Variants in KIF1C observed in about 807,000 individuals in gnomAD.
KIF1C encodes kinesin family member 1C.
KIF1C carries 61 observed loss-of-function variants against 126.5 expected under a neutral mutation model. The observed-to-expected ratio is 0.48, with a 90% CI of 0.39 to 0.60. The LOEUF (loss-of-function observed/expected upper bound fraction) is 0.60, where lower values mean the gene tolerates loss of function less well. Ranked by LOEUF, KIF1C falls within the 20% of genes least tolerant of loss-of-function variation. The pLI is 0.00. For synonymous variants in KIF1C, 640 were observed against 580.6 expected (o/e 1.10, Z -1.47); for missense variants, 1,315 against 1,489.2 (o/e 0.88, Z 1.93).
intron 16 of KIF1C, among the ~76,000 whole-genome samples, chr17:5,009,439 A>G (rs1974811419): frequency 6.6e-6 from 1 of 151,886 alleles, no homozygotes; most frequent in Admixed American, 6.5e-5. Context: ...CGGAGTCCCA[A>G]AGTGCTGGGG....
intron 18 of KIF1C, among the ~76,000 whole-genome samples, chr17:5,017,886 G>C (rs1308272090): frequency 6.6e-6 from 1 of 152,144 alleles, no homozygotes; most frequent in African/African-American, 2.4e-5. Context: ...ATTATCATGG[G>C]TTCAGGGTAA....
At chr17:5,017,447 CCCCCCA>C (rs1567726582) in intron 18 of KIF1C, among the ~76,000 whole-genome samples, 1 of 151,766 alleles carries the variant, frequency 6.6e-6, no homozygotes, top group Non-Finnish European at 1.5e-5. Context: ...CTACAGGCGC[CCCCCCA>C]CCACCACACC....
chr17:5,005,578 G>C (rs1974708205), intron 13 of KIF1C, among the ~76,000 whole-genome samples: 1 of 152,152 alleles, frequency 6.6e-6, no homozygotes, highest in Non-Finnish European at 1.5e-5. Flanking sequence ...GGAAAGAGAA[G>C]GATAAGGTAG....
rs1361813822 is a variant in KIF1C, at chr17:5,023,517, C to G, written c.2678C>G (p.Pro893Arg). ...GGTGGTGAGGTCCCCTGGGCCCCGC[C>G]TGAAGGATCAGAGGCAGCAGAGGAG... ...EEGGEVPWAPPEGSEAAEEAA... is the reference protein window; with the variant it reads ...EEGGEVPWAPREGSEAAEEAA... The change falls in exon 23 of 23, where the codon CCT (proline) becomes CGT (arginine). Residue 893 changes from proline to arginine, a missense_variant. Coordinates refer to ENST00000320785, the MANE Select transcript of KIF1C (RefSeq NM_006612.6). This position sits in a 1 kb window ranked among gnomAD's most constrained non-coding sequence, Gnocchi z 4.2. 1.2e-6 allele frequency: 2 copies of G among 1,613,546 alleles called. No individual in the cohort carries two copies. Among genetic ancestry groups the G allele is most frequent in the African/African-American group, 1.3e-5 (1 of 74,796 alleles).
intron 13 of KIF1C, 83 bp from the exon 14 acceptor site, chr17:5,006,832 T>C: frequency 7.1e-7 from 1 of 1,416,982 alleles, no homozygotes; most frequent in East Asian, 2.3e-5. Context: ...ACTGGTCCTC[T>C]GTGAAGCTCT....
At position 5,007,704 on chromosome 17, in the gene KIF1C, CTTG is replaced by C. The variant is rs368036117; in HGVS notation, c.1491+165_1491+167del. Among the ~76,000 whole-genome samples, 21 of 152,262 alleles carry C rather than the reference CTTG, an allele frequency of 1.4e-4. 1 individual carries two copies. The highest frequency in any genetic ancestry group is 5.1e-4 in the African/African-American group (21 of 41,542). ...CCCTCCCCTGCCACCTCCTCTCCGT[CTTG>C]TTTAGTCATCCCTGCCTTCTCCCTT... is the stretch of plus-strand genomic sequence containing the variant. On this transcript the variant is annotated intron_variant, in intron 16 of 22. Coordinates refer to ENST00000320785, the MANE Select transcript of KIF1C (RefSeq NM_006612.6).
rs190609036 is a variant in KIF1C at position 5,015,745 on chromosome 17, G to A, written c.1666+908G>A. On this transcript the variant is annotated intron_variant, in intron 18 of 22. Coordinates refer to ENST00000320785, the MANE Select transcript of KIF1C (RefSeq NM_006612.6). Reference sequence around the variant, plus strand: ...CGAGTAGCTGGGATTACAGGCACGCGCCACCACACCAGGCTAATTTTTGTA... The same window carrying A: ...CGAGTAGCTGGGATTACAGGCACGCACCACCACACCAGGCTAATTTTTGTA... Among the ~76,000 whole-genome samples, 106 of 151,594 alleles carry A rather than the reference G, an allele frequency of 7.0e-4. 1 individual carries two copies. In the East Asian group the frequency reaches 0.015, roughly 22 times the overall value.
rs373152464 is a variant in KIF1C at position 5,022,520 on chromosome 17, T to C, written c.2439T>C (p.Gly813=). Residue 813 remains glycine, a synonymous_variant, in exon 22 of 23, where the codon GGT becomes GGC. Transcript: ENST00000320785. The surrounding 1 kb of genome is among the most constrained non-coding windows in gnomAD (Gnocchi z 4.9). ...ACACTGTAGGCGAGGAGGAAGGAGG[T>C]GGAGCTGGCAGTGGTGGTGGCAGTG... ...VWDTVGEEEG[G]GAGSGGGSEE... 6.4e-5 allele frequency: 101 copies of C among 1,586,970 alleles called. No homozygotes were observed. In the African/African-American group the frequency reaches 1.2e-3, roughly 19 times the overall value.
In KIF1C at chr17:5,004,937, G is replaced by A; in HGVS notation, c.1102G>A (p.Glu368Lys). 6.2e-7 allele frequency: 1 copy of A among 1,614,258 alleles called. No homozygotes were observed. Among genetic ancestry groups the A allele is most frequent in the East Asian group, 2.2e-5 (1 of 44,874 alleles). The change falls in exon 13 of 23, where the codon GAG becomes AAG. Residue 368 changes from glutamate to lysine, a missense_variant. Physicochemically the swap from Glu to Lys is moderately conservative, Grantham distance 56. Coordinates refer to ENST00000320785, the MANE Select transcript of KIF1C (RefSeq NM_006612.6). ...TGCCCGGCTGATTAGAGAGCTGCAG[G>A]AGGAAGTAGCCCGGCTGCGGGAACT... ...PNARLIRELQ[E>K]EVARLRELLM... is the part of the protein sequence containing the mutation.
At chr17:5,005,954 C>A (rs1286432698) in intron 13 of KIF1C, among the ~76,000 whole-genome samples, 1 of 151,736 alleles carries the variant, frequency 6.6e-6, no homozygotes. Context: ...CGCCTGTAAT[C>A]CCAGCATTTG....
At chr17:5,018,106 G>A (rs1047854241) in intron 18 of KIF1C, among the ~76,000 whole-genome samples, 1 of 151,924 alleles carries the variant, frequency 6.6e-6, no homozygotes, top group African/African-American at 2.4e-5. Context: ...TCAGCCTCCT[G>A]AGTAGCTGGG....
At position 5,018,890 on chromosome 17, in the gene KIF1C, G is replaced by A. The variant is rs114670072; in HGVS notation, c.1667-1106G>A. 9.2e-3 allele frequency among the ~76,000 whole-genome samples: 1,407 copies of A among 152,250 alleles called. 24 individuals are homozygous for A. The highest frequency in any genetic ancestry group is 0.032 in the African/African-American group (1,330 of 41,520). On this transcript the variant is annotated intron_variant, in intron 18 of 22. Coordinates refer to ENST00000320785, the MANE Select transcript of KIF1C (RefSeq NM_006612.6). ...GGAAGATAGTAGGAGTGTGGCATAT[G>A]TGGGTTTGAATCAATAAATGAATTT...
chr17:5,019,479 A>G (rs1208112363), intron 18 of KIF1C: 1 of 173,962 alleles, frequency 5.7e-6, no homozygotes, highest in East Asian at 1.8e-4. Flanking sequence ...GAGCAGCTAG[A>G]TGGATGTTTG....
chr17:5,001,423 G>C (rs755087768), intron 5 of KIF1C, 22 bp downstream of exon 5: 1 of 1,609,750 alleles, frequency 6.2e-7, no homozygotes, highest in Non-Finnish European at 8.5e-7. Flanking sequence ...ACCTGGTGGG[G>C]CAGCCAGGGC....
At position 5,020,776 on chromosome 17, in the gene KIF1C, G is replaced by C; in HGVS notation, c.1938-30G>C. The stretch of plus-strand genomic sequence containing the variant: ...CTCTTGTCAGATACTCACCAAGGTT[G>C]CTCTTCCTTCCCTCCCTGTCCAATC... On this transcript the variant is annotated intron_variant, in intron 20 of 22. Coordinates refer to ENST00000320785, the MANE Select transcript of KIF1C (RefSeq NM_006612.6). This position sits in a 1 kb window ranked among gnomAD's most constrained non-coding sequence, Gnocchi z 5.8. 6.3e-7 allele frequency: 1 copy of C among 1,597,988 alleles called. No homozygotes were observed. Among genetic ancestry groups the C allele is most frequent in the Non-Finnish European group, 8.5e-7 (1 of 1,171,860 alleles).
At chr17:5,003,726 G>A (rs763218937) in intron 9 of KIF1C, 37 bp downstream of exon 9, 1 of 1,591,922 alleles carries the variant, frequency 6.3e-7, no homozygotes, top group South Asian at 1.1e-5. Flanking sequence ...TTGTGGGGCA[G>A]TGTTGTGGGC....
rs984411237 is a variant in KIF1C, at chr17:5,027,901, G to C, written c.*3750G>C. 2 of 152,124 alleles carry C rather than the reference G, an allele frequency of 1.3e-5. No individual in the cohort carries two copies. The highest frequency in any genetic ancestry group is 4.8e-5 in the African/African-American group (2 of 41,400). The allele number at this position is 152,124 out of a possible 1,614,324, so 9.4% of individuals were successfully genotyped here. On this transcript the variant is annotated 3_prime_UTR_variant, in exon 23 of 23. Coordinates refer to ENST00000320785, the MANE Select transcript of KIF1C (RefSeq NM_006612.6). Reference sequence around the variant, plus strand: ...GTGGGAGGATCGCTTGAGCCTGGGAGGTCAAGGCTGCGGTGACCTGTGATT... The same window carrying C: ...GTGGGAGGATCGCTTGAGCCTGGGACGTCAAGGCTGCGGTGACCTGTGATT...
Position 5,002,651 on chromosome 17 carries a change from G to A in KIF1C, c.608+9G>A, listed in dbSNP as rs753590243. 6.2e-7 allele frequency: 1 copy of A among 1,611,716 alleles called. No individual in the cohort carries two copies. Among genetic ancestry groups the A allele is most frequent in the South Asian group, 1.1e-5 (1 of 91,056 alleles). ...TGTGGAAATAAAGCACGGTGAGGCA[G>A]GCTGATGGAGCAGAGGGCAAGGGGG... is the stretch of plus-strand genomic sequence containing the variant. On this transcript the variant is annotated intron_variant, in intron 7 of 22. Coordinates refer to ENST00000320785, the MANE Select transcript of KIF1C (RefSeq NM_006612.6).
chr17:5,009,538 T>C (rs1223048950), intron 16 of KIF1C, among the ~76,000 whole-genome samples: 5 of 151,658 alleles, frequency 3.3e-5, no homozygotes, highest in African/African-American at 7.2e-5. Flanking sequence ...CCTGTAATCC[T>C]AGCACTTTGG....
Sources: gnomAD v4.1 joint callset for allele counts (sites outside exome capture counted in the v4.1 genomes callset) on GRCh38, gnomAD v4.1.1 for gene constraint, Gnocchi (gnomAD v3.1) non-coding constraint, MANE v1.5 for transcripts, NCBI Gene and HGNC (gene_info 2026-07-23, HGNC 2026-07-21) for gene names.